PDHX: variants seen among roughly 807,000 people sequenced by gnomAD.
PDHX encodes pyruvate dehydrogenase complex component X, also known as pyruvate dehydrogenase protein X component, mitochondrial.
Under a neutral mutation model 55.3 loss-of-function variants are expected in PDHX, and 33 were observed. That is an observed-to-expected ratio of 0.60 (90% CI 0.45 to 0.80). The LOEUF (loss-of-function observed/expected upper bound fraction) is 0.80. Ranked by LOEUF, PDHX falls within the 30% of genes least tolerant of loss-of-function variation. PDHX has a pLI of 0.00. For synonymous variants in PDHX, 226 were observed against 219.4 expected, an observed-to-expected ratio of 1.03 and a Z score of -0.27; for missense variants, 622 against 619.9, an observed-to-expected ratio of 1.00 and a Z score of -0.04.
intron 9 of PDHX, among the ~76,000 whole-genome samples, chr11:34,991,096 T>G (rs1855746991): frequency 6.6e-6 from 1 of 151,594 alleles, no homozygotes; most frequent in Non-Finnish European, 1.5e-5. Context: ...TGTGGTTAAT[T>G]CCAAGTACAA....
At chr11:34,971,069 G>A (rs939257876) in intron 7 of PDHX, among the ~76,000 whole-genome samples, 3 of 152,028 alleles carry the variant, frequency 2.0e-5, no homozygotes, top group African/African-American at 7.2e-5. Flanking sequence ...ATTTCATTAA[G>A]TTTAAAATCC....
intron 5 of PDHX, among the ~76,000 whole-genome samples, chr11:34,962,705 A>G (rs1590754191): frequency 1.3e-5 from 2 of 152,224 alleles, no homozygotes; most frequent in South Asian, 2.1e-4. Context: ...GGTAGGATCT[A>G]AGAAAAGCCT....
In PDHX at chr11:34,935,206, C is replaced by CA. The variant is rs537433014; in HGVS notation, c.241+3723dup. On this transcript the variant is annotated intron_variant, in intron 2 of 10. Coordinates refer to ENST00000227868, the MANE Select transcript of PDHX (RefSeq NM_003477.3). ...TTTAATATATTTTTTAAAGGTTGTG[C>CA]ATAGTGCTTTCAGGATATAATTTGA... is the stretch of plus-strand genomic sequence containing the variant. 2.4e-3 allele frequency among the ~76,000 whole-genome samples: 368 copies of CA among 151,870 alleles called. 2 individuals carry two copies. Among genetic ancestry groups the CA allele is most frequent in the African/African-American group, 8.4e-3 (347 of 41,462 alleles).
chr11:34,922,125 A>G (rs1337162554), intron 1 of PDHX, among the ~76,000 whole-genome samples: 1 of 152,198 alleles, frequency 6.6e-6, no homozygotes, highest in African/African-American at 2.4e-5. Context: ...ATTTTCTTAT[A>G]TTGTATTGAC....
At chr11:34,993,626 C>T (rs1039202572) in intron 10 of PDHX, among the ~76,000 whole-genome samples, 3 of 151,986 alleles carry the variant, frequency 2.0e-5, no homozygotes, top group Non-Finnish European at 4.4e-5. Context: ...TTTCCACTGG[C>T]CTGTTTGTCT....
chr11:34,955,478 G>A (rs761913077), intron 3 of PDHX, among the ~76,000 whole-genome samples: 27 of 152,126 alleles, frequency 1.8e-4, no homozygotes, highest in Middle Eastern at 3.4e-3. Flanking sequence ...TTTATCTTCT[G>A]TTATATATTC....
chr11:34,916,244 CG>C, upstream of PDHX: 3 of 1,612,282 alleles, frequency 1.9e-6, no homozygotes, highest in Non-Finnish European at 2.5e-6. Context: ...GCCGCATCTC[CG>C]GGAACAACAG....
At chr11:34,926,895 G>T (rs192185480) in intron 1 of PDHX, among the ~76,000 whole-genome samples, 111 of 152,194 alleles carry the variant, frequency 7.3e-4, no homozygotes, top group African/African-American at 2.6e-3. Context: ...TACAGGAATT[G>T]CTTAGAGGGA....
In PDHX at chr11:34,970,203, C is replaced by A; in HGVS notation, c.881C>A (p.Ser294Tyr). ...GTTATTGCCAAGAGATTAACTGAAT[C>A]TAAAAGTACTGTACCTCATGCATAT... is the stretch of plus-strand genomic sequence containing the variant. Reference protein sequence around the residue: ...RRVIAKRLTESKSTVPHAYAT... With the variant: ...RRVIAKRLTEYKSTVPHAYAT... Residue 294 changes from serine (S) to tyrosine (Y), a missense_variant, in exon 7 of 11, where the codon TCT becomes TAT. Physicochemically the swap from Ser to Tyr is moderately radical, Grantham distance 144 (BLOSUM62 -2). Transcript: ENST00000227868. The A allele has an allele frequency of 6.2e-7, 1 of 1,612,446 alleles. No homozygotes were observed. Among genetic ancestry groups the A allele is most frequent in the Non-Finnish European group, 8.5e-7 (1 of 1,178,470 alleles).
At position 34,916,736 on chromosome 11, in the gene PDHX, G is replaced by T. The variant is rs1209396667; in HGVS notation, c.81G>T (p.Gly27=). 4 of 1,613,420 alleles carry T rather than the reference G, an allele frequency of 2.5e-6. No homozygotes were observed. The Admixed American group carries it at 5.0e-5, about 20-fold the overall frequency. ...LVGFPGRRSV[G]LVKGALGWSV... is the part of the protein sequence containing the mutation. ...GCTTCCCCGGCCGCCGAAGCGTAGG[G>T]CTGGTGAAGGGGGCTCTTGGGTGGT... The change falls in exon 1 of 11, where the codon GGG becomes GGT. Residue 27 remains glycine, a synonymous_variant. Coordinates refer to ENST00000227868, the MANE Select transcript of PDHX (RefSeq NM_003477.3).
At chr11:34,960,106 G>A (rs539311943) in intron 4 of PDHX, among the ~76,000 whole-genome samples, 29 of 152,246 alleles carry the variant, frequency 1.9e-4, no homozygotes, top group African/African-American at 5.8e-4. Flanking sequence ...CAAAATATAC[G>A]AAGGAAACAA....
chr11:34,973,351 G>T (rs1855295734), intron 7 of PDHX, among the ~76,000 whole-genome samples: 1 of 152,002 alleles, frequency 6.6e-6, no homozygotes. Context: ...GCGTGTAGTT[G>T]GTTCTTGCTA....
chr11:34,964,784 AC>A (rs1855092642), intron 5 of PDHX, among the ~76,000 whole-genome samples: 1 of 28,382 alleles, frequency 3.5e-5, no homozygotes, highest in East Asian at 2.6e-3. Flanking sequence ...TATTAGCATA[AC>A]TAATATTAGC....
At chr11:34,982,908 C>T (rs534470514) in intron 8 of PDHX, among the ~76,000 whole-genome samples, 3 of 152,326 alleles carry the variant, frequency 2.0e-5, no homozygotes, top group African/African-American at 7.2e-5. Context: ...AGGGAATCCT[C>T]CCTAACTCAT....
In PDHX at chr11:34,982,838, A is replaced by C. The variant is rs539863729; in HGVS notation, c.1024-1732A>C. ...GATGGATTCACAGCCGAATTCTACC[A>C]GAGGTACAAGGAGGAGCTGTTACCA... On this transcript the variant is annotated intron_variant, in intron 8 of 10. Transcript: ENST00000227868. Among the ~76,000 whole-genome samples, 8 of 152,358 alleles carry C rather than the reference A, an allele frequency of 5.3e-5. No homozygotes were observed. The East Asian group carries it at 1.5e-3, about 29-fold the overall frequency.
chr11:34,967,701 G>A (rs1388775121), intron 6 of PDHX, among the ~76,000 whole-genome samples: 2 of 151,910 alleles, frequency 1.3e-5, no homozygotes, highest in African/African-American at 2.4e-5. Flanking sequence ...AATCGAATGG[G>A]CACTTAAAAA....
intron 8 of PDHX, among the ~76,000 whole-genome samples, chr11:34,979,029 C>G (rs1236000600): frequency 1.3e-5 from 2 of 152,056 alleles, no homozygotes; most frequent in Admixed American, 1.3e-4. Context: ...ATCACAGTGG[C>G]TTGGACAAAT....
At chr11:34,924,122 G>A (rs965617115) in intron 1 of PDHX, among the ~76,000 whole-genome samples, 1 of 152,174 alleles carries the variant, frequency 6.6e-6, no homozygotes, top group African/African-American at 2.4e-5. Context: ...GATACATCTA[G>A]CCAGCTATCT....
chr11:34,975,084 T>C (rs1329891459), intron 7 of PDHX, among the ~76,000 whole-genome samples: 1 of 152,214 alleles, frequency 6.6e-6, no homozygotes, highest in Non-Finnish European at 1.5e-5. Flanking sequence ...GTTCTTTAAA[T>C]AAAGATACTA....
Sources: allele counts gnomAD v4.1 joint callset (sites outside exome capture counted in the v4.1 genomes callset), GRCh38; gene constraint gnomAD v4.1.1; transcripts MANE v1.5; gene names NCBI Gene and HGNC (gene_info 2026-07-23, HGNC 2026-07-21).